CD34: variants seen among roughly 807,000 people sequenced by gnomAD.
CD34 encodes the protein CD34 molecule, also known as hematopoietic progenitor cell antigen CD34.
CD34 carries 34 observed loss-of-function variants against 40.1 expected under a neutral mutation model. The ratio of observed to expected loss-of-function variants is 0.85; its 90% CI spans 0.65 to 1.13. The LOEUF is 1.13. Among genes scored for constraint, CD34 ranks in the 50% most tolerant of loss-of-function variants. CD34 has a pLI of 0.00. For missense variants in CD34, 426 were observed against 466.9 expected, an observed-to-expected ratio of 0.91 and a Z score of 0.81; for synonymous variants, 209 against 190.0, an observed-to-expected ratio of 1.10 and a Z score of -0.82.
At chr1:207,899,462 G>T (rs1662224897) in intron 2 of CD34, among the ~76,000 whole-genome samples, 1 of 152,202 alleles carries the variant, frequency 6.6e-6, no homozygotes, top group Non-Finnish European at 1.5e-5. Flanking sequence ...CCTTAGAGAA[G>T]CCAAAGACCC....
rs1301752315 is a variant in CD34 at position 207,887,004 on chromosome 1, G to A, written c.*734C>T. 1 of 152,452 alleles carries A rather than the reference G, an allele frequency of 6.6e-6. No homozygotes were observed. The highest frequency in any genetic ancestry group is 2.4e-5 in the African/African-American group (1 of 41,432). The allele number at this position is 152,452 out of a possible 1,614,324, so 9.4% of individuals were successfully genotyped here. A position where few individuals can be genotyped will look rare whatever the true frequency, so the allele number is the denominator to read the frequency against. On this transcript the variant is annotated 3_prime_UTR_variant, in exon 8 of 8. Coordinates refer to ENST00000310833, the MANE Select transcript of CD34 (RefSeq NM_001025109.2). ...ATGGTCCTGCCTACTTTGATCCAGA[G>A]GGAGAAAAAGGAGCCCAAAAAGAGT...
intron 7 of CD34, among the ~76,000 whole-genome samples, chr1:207,888,418 C>G (rs1447852287): frequency 2.0e-5 from 3 of 152,174 alleles, no homozygotes; most frequent in Admixed American, 6.5e-5. Flanking sequence ...CTGAACTATC[C>G]CAGAAAACAT....
chr1:207,887,566 G>A lies in CD34; in HGVS notation c.*172C>T. ...GGAGCCGAATGTGTAAAGGACAGGAGTTTACCTGCCCCTCCTCAAGGTGTA... is the reference window on the plus strand; with the variant it reads ...GGAGCCGAATGTGTAAAGGACAGGAATTTACCTGCCCCTCCTCAAGGTGTA... On this transcript the variant is annotated 3_prime_UTR_variant, in exon 8 of 8. Coordinates refer to ENST00000310833, the MANE Select transcript of CD34 (RefSeq NM_001025109.2). The A allele has an allele frequency of 1.1e-6, 1 of 883,418 alleles. No homozygotes were observed. Among genetic ancestry groups the A allele is most frequent in the Non-Finnish European group, 1.7e-6 (1 of 591,464 alleles). 54.7% of individuals were successfully genotyped at this position (883,418 alleles called of 1,614,324 possible).
intron 1 of CD34, among the ~76,000 whole-genome samples, chr1:207,907,913 C>T (rs1353806225): frequency 6.6e-6 from 1 of 152,050 alleles, no homozygotes; most frequent in East Asian, 1.9e-4. Flanking sequence ...TTTTCCATAC[C>T]TTCTTATTTT....
intron 1 of CD34, among the ~76,000 whole-genome samples, chr1:207,910,330 T>C (rs1322335902): frequency 6.6e-6 from 1 of 152,202 alleles, no homozygotes; most frequent in Non-Finnish European, 1.5e-5. Flanking sequence ...GAGCAAATTC[T>C]GTCTACTTCT....
intron 4 of CD34, 65 bp from the exon 5 acceptor site, chr1:207,889,686 A>G (rs1435179793): frequency 6.2e-7 from 1 of 1,609,522 alleles, no homozygotes; most frequent in Admixed American, 1.7e-5. Flanking sequence ...AACTGCACCC[A>G]GAGTCTCTGA....
intron 4 of CD34, among the ~76,000 whole-genome samples, chr1:207,895,227 G>T (rs1035454220): frequency 3.9e-5 from 6 of 152,302 alleles, no homozygotes; most frequent in African/African-American, 1.2e-4. Flanking sequence ...CCAAGGAAAG[G>T]TCATCTTGGA....
At position 207,886,234 on chromosome 1, in the gene CD34, G is replaced by C. The variant is rs1661892500; in HGVS notation, c.*1504C>G. On this transcript the variant is annotated 3_prime_UTR_variant, in exon 8 of 8. Transcript: ENST00000310833. ...TCAGCATGCTCCTCTTCTCAGAAGGGTGTTCATGAAGGGTACAGCTCCTAA... is the reference window on the plus strand; with the variant it reads ...TCAGCATGCTCCTCTTCTCAGAAGGCTGTTCATGAAGGGTACAGCTCCTAA... The C allele has an allele frequency of 6.6e-6, 1 of 152,210 alleles. No homozygotes were observed. The highest frequency in any genetic ancestry group is 2.1e-4 in the South Asian group (1 of 4,830). 9.4% of individuals were successfully genotyped at this position (152,210 alleles called of 1,614,324 possible). A position where few individuals can be genotyped will look rare whatever the true frequency, so the allele number is the denominator to read the frequency against.
In CD34 at chr1:207,881,894, ATAAT is replaced by A. The variant is rs1442307107; in HGVS notation, c.*5840_*5843del. On this transcript the variant is annotated 3_prime_UTR_variant, in exon 8 of 8. Transcript: ENST00000310833. ...CTCAATTTTAATTTTTGAAACAGTA[ATAAT>A]TGATAGATGTAACTTTCAAAATCAA... 6.6e-6 allele frequency: 1 copy of A among 152,204 alleles called. No homozygotes were observed. The highest frequency in any genetic ancestry group is 1.5e-5 in the Non-Finnish European group (1 of 68,038). The allele number at this position is 152,204 out of a possible 1,614,324, so 9.4% of individuals were successfully genotyped here.
rs1013256945 is a variant in CD34, at chr1:207,884,922, A to C, written c.*2816T>G. ...ATCTTCACACTGCCACACTGGCTTC[A>C]TGACATCCAACTGGAGTAACACGGA... On this transcript the variant is annotated 3_prime_UTR_variant, in exon 8 of 8. Coordinates refer to ENST00000310833, the MANE Select transcript of CD34 (RefSeq NM_001025109.2). 3.3e-5 allele frequency: 5 copies of C among 152,232 alleles called. No individual in the cohort carries two copies. The highest frequency in any genetic ancestry group is 3.3e-4 in the Admixed American group (5 of 15,290). The allele number at this position is 152,232 out of a possible 1,614,324, so 9.4% of individuals were successfully genotyped here. A position where few individuals can be genotyped will look rare whatever the true frequency, so the allele number is the denominator to read the frequency against.
Position 207,887,618 on chromosome 1 carries a change from T to A in CD34, c.*120A>T, listed in dbSNP as rs374858279. On this transcript the variant is annotated 3_prime_UTR_variant, in exon 8 of 8. Coordinates refer to ENST00000310833, the MANE Select transcript of CD34 (RefSeq NM_001025109.2). The stretch of plus-strand genomic sequence containing the variant: ...GGCCCCAAGAACAGCCTCTGAGGTG[T>A]GTGCAGTGGGGAAGGGTTGGGCGTA... 9 of 1,397,602 alleles carry A rather than the reference T, an allele frequency of 6.4e-6. No homozygotes were observed. The highest frequency in any genetic ancestry group is 4.8e-5 in the East Asian group (2 of 41,344). The allele number at this position is 1,397,602 out of a possible 1,614,324, so 86.6% of individuals were successfully genotyped here.
intron 4 of CD34, chr1:207,890,027 G>T (rs1661999691): frequency 1.4e-6 from 2 of 1,385,860 alleles, no homozygotes; most frequent in Non-Finnish European, 1.9e-6. Flanking sequence ...TGGAAGAAAA[G>T]CCAAGGGAGG....
chr1:207,899,034 C>T lies in CD34; in HGVS notation c.455G>A (p.Ser152Asn), dbSNP rs748164623. Residue 152 changes from serine to asparagine, a missense_variant, in exon 3 of 8, where the codon AGC (serine) becomes AAC (asparagine). By Grantham distance (46) the Ser-to-Asn change is conservative. Transcript: ENST00000310833. Reference sequence around the variant, plus strand: ...GGGTTTAGTGGGAGATGTTGCAAGGCTAGTGCTAGTGGTTGAAAGGTCTGA... The same window carrying T: ...GGGTTTAGTGGGAGATGTTGCAAGGTTAGTGCTAGTGGTTGAAAGGTCTGA... ...NVSDLSTTST[S>N]LATSPTKPYT... The T allele has an allele frequency of 1.2e-6, 2 of 1,614,138 alleles. No individual in the cohort carries two copies. The highest frequency in any genetic ancestry group is 1.7e-5 in the Admixed American group (1 of 60,026).
chr1:207,889,800 G>GAA (rs772029856), intron 4 of CD34, 179 bp from the exon 5 acceptor site: 14 of 1,571,242 alleles, frequency 8.9e-6, no homozygotes, highest in Non-Finnish European at 1.1e-5. Flanking sequence ...AACACAATAA[G>GAA]AAAAAAACCT....
In CD34 at chr1:207,889,505, C is replaced by T; in HGVS notation, c.714G>A (p.Val238=). 6.2e-7 allele frequency: 1 copy of T among 1,614,044 alleles called. No homozygotes were observed. The change falls in exon 5 of 8, where the codon GTG becomes GTA. Residue 238 remains valine (V), a synonymous_variant. Coordinates refer to ENST00000310833, the MANE Select transcript of CD34 (RefSeq NM_001025109.2). Reference sequence around the variant, plus strand: ...AGACCAGCAGTAGACACTGAGGCCTCACCTCAGACTGGGCAAGGAGCAGGG... The same window carrying T: ...AGACCAGCAGTAGACACTGAGGCCTTACCTCAGACTGGGCAAGGAGCAGGG... ...VCSLLLAQSE[V]RPQCLLLVLA...
intron 1 of CD34, 124 bp from the exon 2 acceptor site, chr1:207,900,127 G>T: frequency 1.4e-6 from 1 of 720,226 alleles, no homozygotes; most frequent in Non-Finnish European, 2.3e-6. Flanking sequence ...CTTGTTGGCA[G>T]CAACAAGAAC....
chr1:207,887,301 AGT>A lies in CD34; in HGVS notation c.*435_*436del. On this transcript the variant is annotated 3_prime_UTR_variant, in exon 8 of 8. Coordinates refer to ENST00000310833, the MANE Select transcript of CD34 (RefSeq NM_001025109.2). ...CAAAAGGTTACTTTGGTTTCCTCAA[AGT>A]AGAGAAAGAAAATACAGGGAAGAAA... The A allele has an allele frequency of 5.9e-6, 1 of 168,898 alleles. No individual in the cohort carries two copies. Among genetic ancestry groups the A allele is most frequent in the South Asian group, 1.6e-4 (1 of 6,174 alleles). The allele number at this position is 168,898 out of a possible 1,614,324, so 10.5% of individuals were successfully genotyped here. A position where few individuals can be genotyped will look rare whatever the true frequency, so the allele number is the denominator to read the frequency against.
At chr1:207,903,271 A>G (rs1202737862) in intron 1 of CD34, among the ~76,000 whole-genome samples, 1 of 152,182 alleles carries the variant, frequency 6.6e-6, no homozygotes, top group Non-Finnish European at 1.5e-5. Context: ...GCATTAAACC[A>G]TCAAACACTG....
chr1:207,903,652 A>G (rs2102304907), intron 1 of CD34, among the ~76,000 whole-genome samples: 1 of 152,354 alleles, frequency 6.6e-6, no homozygotes, highest in Non-Finnish European at 1.5e-5. Flanking sequence ...TTCATGTAGT[A>G]AAAGTCATGC....
Sources: gnomAD v4.1 joint callset for allele counts (sites outside exome capture counted in the v4.1 genomes callset) on GRCh38, gnomAD v4.1.1 for gene constraint, MANE v1.5 for transcripts, NCBI Gene and HGNC (gene_info 2026-07-23, HGNC 2026-07-21) for gene names.